The following GBE1 variants were observed in gnomAD, a reference collection of about 807,000 sequenced individuals.
GBE1 encodes 1,4-alpha-glucan branching enzyme 1.
In GBE1, 70 loss-of-function variants were observed where a neutral mutation model predicts 88.8. That is an observed-to-expected ratio of 0.79 (90% CI 0.65 to 0.96). GBE1 has a LOEUF of 0.96. Among genes scored for constraint, GBE1 ranks in the 40% least tolerant of loss-of-function variants. The probability of loss-of-function intolerance (pLI) is 0.00; values close to 1 mark genes in which losing one functional copy is unlikely to be tolerated. For missense variants in GBE1, 872 were observed against 871.0 expected, an observed-to-expected ratio of 1.00 and a Z score of -0.01; for synonymous variants, 284 against 300.1, an observed-to-expected ratio of 0.95 and a Z score of 0.56.
chr3:81,702,202 G>A (rs559104556), intron 2 of GBE1, among the ~76,000 whole-genome samples: 12 of 143,316 alleles, frequency 8.4e-5, no homozygotes, highest in East Asian at 4.5e-4. Context: ...ATATTTTCAC[G>A]TAGGTTGTCA....
chr3:81,525,554 G>C (rs1193962025), intron 14 of GBE1, among the ~76,000 whole-genome samples: 1 of 152,112 alleles, frequency 6.6e-6, no homozygotes, highest in African/African-American at 2.4e-5. Context: ...CATAAAATGA[G>C]TTAGGGAGGA....
chr3:81,633,665 T>C (rs1704549328), intron 7 of GBE1, among the ~76,000 whole-genome samples: 1 of 152,184 alleles, frequency 6.6e-6, no homozygotes, highest in African/African-American at 2.4e-5. Context: ...TTCTGCTAGG[T>C]GATAATATAC....
intron 12 of GBE1, among the ~76,000 whole-genome samples, chr3:81,552,332 G>C (rs888448620): frequency 6.6e-6 from 1 of 152,024 alleles, no homozygotes; most frequent in East Asian, 1.9e-4. Flanking sequence ...AGCCTGGCCA[G>C]CATGGCGAAA....
intron 7 of GBE1, among the ~76,000 whole-genome samples, chr3:81,608,005 T>C (rs985445814): frequency 1.3e-5 from 2 of 152,228 alleles, no homozygotes; most frequent in Admixed American, 1.3e-4. Flanking sequence ...CCTGTTCATC[T>C]AAGATTAACT....
At chr3:81,600,587 T>A (rs1343222710) in intron 7 of GBE1, among the ~76,000 whole-genome samples, 1 of 152,152 alleles carries the variant, frequency 6.6e-6, no homozygotes, top group Non-Finnish European at 1.5e-5. Flanking sequence ...GGGAACTGAT[T>A]TTTATTCCAG....
At chr3:81,564,757 G>A (rs2106914847) in intron 12 of GBE1, among the ~76,000 whole-genome samples, 1 of 152,230 alleles carries the variant, frequency 6.6e-6, no homozygotes, top group East Asian at 1.9e-4. Context: ...AAAGAGGGCT[G>A]AGGACATTCT....
At chr3:81,655,691 AT>A (rs1156542926) in intron 3 of GBE1, among the ~76,000 whole-genome samples, 2 of 150,180 alleles carry the variant, frequency 1.3e-5, no homozygotes, top group Non-Finnish European at 3.0e-5. Flanking sequence ...TACTTTCTGT[AT>A]TTTTTTTAGT....
At chr3:81,718,888 A>AC (rs944852770) in intron 1 of GBE1, among the ~76,000 whole-genome samples, 7 of 151,370 alleles carry the variant, frequency 4.6e-5, no homozygotes, top group African/African-American at 1.7e-4. Flanking sequence ...GCCCACCTCG[A>AC]CCTCCCAAAG....
intron 2 of GBE1, among the ~76,000 whole-genome samples, chr3:81,692,500 A>G (rs762291228): frequency 1.3e-5 from 2 of 152,210 alleles, no homozygotes; most frequent in Non-Finnish European, 2.9e-5. Flanking sequence ...ACGAGGTGTT[A>G]GGAGTTGAGA....
intron 6 of GBE1, among the ~76,000 whole-genome samples, chr3:81,644,957 A>G (rs1423082223): frequency 6.6e-6 from 1 of 152,180 alleles, no homozygotes; most frequent in Non-Finnish European, 1.5e-5. Flanking sequence ...TTGAACAACT[A>G]GAAGATGAAA....
At chr3:81,675,371 G>C (rs1705238782) in intron 2 of GBE1, among the ~76,000 whole-genome samples, 1 of 151,972 alleles carries the variant, frequency 6.6e-6, no homozygotes, top group Non-Finnish European at 1.5e-5. Flanking sequence ...GTAAAGCCCA[G>C]GAAGGATGAC....
At chr3:81,679,866 G>T (rs563351564) in intron 2 of GBE1, among the ~76,000 whole-genome samples, 10 of 152,222 alleles carry the variant, frequency 6.6e-5, no homozygotes, top group African/African-American at 2.4e-4. Flanking sequence ...TTACTTGCAG[G>T]AGTAGAAACC....
intron 7 of GBE1, among the ~76,000 whole-genome samples, chr3:81,625,135 G>A (rs1704394939): frequency 6.6e-6 from 1 of 151,886 alleles, no homozygotes; most frequent in Non-Finnish European, 1.5e-5. Flanking sequence ...GATGTGTGGT[G>A]TGGGGAAGAA....
chr3:81,527,460 C>A (rs1702957709), intron 14 of GBE1, among the ~76,000 whole-genome samples: 2 of 152,002 alleles, frequency 1.3e-5, no homozygotes, highest in African/African-American at 2.4e-5. Context: ...AAAATTTTTG[C>A]AATCTATTCA....
At chr3:81,575,235 TC>T (rs34594576) in intron 12 of GBE1, among the ~76,000 whole-genome samples, 10,165 of 151,884 alleles carry the variant, frequency 0.067, 579 homozygotes, top group African/African-American at 0.15. Context: ...ATTGCTGATC[TC>T]CCTTCTATAT....
intron 14 of GBE1, among the ~76,000 whole-genome samples, chr3:81,506,262 C>T (rs1251689260): frequency 6.6e-6 from 1 of 152,088 alleles, no homozygotes; most frequent in African/African-American, 2.4e-5. Context: ...TGAACAGACA[C>T]TTTTCAAAAG....
chr3:81,642,212 C>T (rs937426417), intron 7 of GBE1, among the ~76,000 whole-genome samples: 10 of 151,898 alleles, frequency 6.6e-5, no homozygotes, highest in African/African-American at 2.2e-4. Context: ...TGTAAGATGG[C>T]TATAACAATA....
chr3:81,493,497 C>A (rs1238030292), intron 15 of GBE1, among the ~76,000 whole-genome samples: 1 of 150,950 alleles, frequency 6.6e-6, no homozygotes, highest in East Asian at 1.9e-4. Flanking sequence ...GATGTTTTGG[C>A]ATTTTAGCTT....
rs548087898 is a variant in GBE1 at position 81,663,837 on chromosome 3, T to C, written c.429+7001A>G. ...TTTGAGCAGCGGGGCACTGAAGTAG[T>C]GAGCCACACCCCCATCGCGCGCCCT... On this transcript the variant is annotated intron_variant, in intron 3 of 15. Coordinates refer to ENST00000429644, the MANE Select transcript of GBE1 (RefSeq NM_000158.4). Among the ~76,000 whole-genome samples the C allele has an allele frequency of 1.9e-4, 29 of 152,248 alleles. No individual in the cohort carries two copies. In the East Asian group the frequency reaches 5.4e-3, roughly 28 times the overall value.
Sources: allele counts gnomAD v4.1 joint callset (sites outside exome capture counted in the v4.1 genomes callset), GRCh38; gene constraint gnomAD v4.1.1; transcripts MANE v1.5; gene names NCBI Gene and HGNC (gene_info 2026-07-23, HGNC 2026-07-21).